Variants in SNTG2 observed in about 807,000 individuals in gnomAD.
The protein encoded by SNTG2 is syntrophin gamma 2, also known as gamma-2-syntrophin.
SNTG2 carries 74 observed loss-of-function variants against 70.9 expected under a neutral mutation model. The ratio of observed to expected loss-of-function variants is 1.04; its 90% confidence interval spans 0.86 to 1.27. The LOEUF is 1.27. SNTG2 is among the 50% of genes most tolerant of loss of function. The pLI, the probability that SNTG2 is intolerant of heterozygous loss-of-function variation, is 0.00. For synonymous variants in SNTG2, 278 were observed against 273.8 expected, an observed-to-expected ratio of 1.02 and a Z score of -0.15; for missense variants, 717 against 690.7, an observed-to-expected ratio of 1.04 and a Z score of -0.43.
chr2:1,061,752 A>G (rs867400557), intron 1 of SNTG2, among the ~76,000 whole-genome samples: 3 of 152,210 alleles, frequency 2.0e-5, no homozygotes, highest in South Asian at 4.1e-4. Context: ...GTTGCTGGAT[A>G]ACGTGTTAGC....
chr2:1,135,142 T>C (rs1274573353), intron 4 of SNTG2, among the ~76,000 whole-genome samples: 2 of 152,128 alleles, frequency 1.3e-5, no homozygotes, highest in African/African-American at 2.4e-5. Flanking sequence ...TAGAGCAAAA[T>C]AGACCTCACT....
At chr2:1,235,014 C>T (rs1018653871) in intron 9 of SNTG2, among the ~76,000 whole-genome samples, 1 of 152,248 alleles carries the variant, frequency 6.6e-6, no homozygotes, top group African/African-American at 2.4e-5. Flanking sequence ...GTCGTTAGTA[C>T]ATGTGAGCTG....
chr2:1,007,889 G>A (rs1296473337), intron 1 of SNTG2, among the ~76,000 whole-genome samples: 3 of 152,124 alleles, frequency 2.0e-5, no homozygotes, highest in Admixed American at 1.3e-4. Context: ...TGAATAGCTG[G>A]GATTACAGAT....
At chr2:1,074,372 G>A (rs1219187539) in intron 1 of SNTG2, among the ~76,000 whole-genome samples, 1 of 152,140 alleles carries the variant, frequency 6.6e-6, no homozygotes, top group Non-Finnish European at 1.5e-5. Context: ...GCCTGCTAAA[G>A]GGAGCACACT....
At chr2:1,250,521 G>A (rs539619532) in intron 12 of SNTG2, among the ~76,000 whole-genome samples, 23 of 150,012 alleles carry the variant, frequency 1.5e-4, no homozygotes, top group Non-Finnish European at 2.7e-4. Flanking sequence ...TCTTTCTGTC[G>A]TCTCCTTCTC....
chr2:1,217,855 G>A (rs1004040834), intron 9 of SNTG2, among the ~76,000 whole-genome samples: 5 of 152,082 alleles, frequency 3.3e-5, no homozygotes, highest in African/African-American at 1.2e-4. Flanking sequence ...ACAAACCTGT[G>A]CAAACTTAGC....
chr2:1,005,917 A>G (rs1315377497), intron 1 of SNTG2, among the ~76,000 whole-genome samples: 1 of 132,710 alleles, frequency 7.5e-6, no homozygotes, highest in Non-Finnish European at 1.6e-5. Flanking sequence ...TATATTATTT[A>G]AACATTGGAT....
chr2:1,247,030 A>G (rs1677470668), intron 11 of SNTG2, among the ~76,000 whole-genome samples: 1 of 152,360 alleles, frequency 6.6e-6, no homozygotes, highest in African/African-American at 2.4e-5. Context: ...AATTCAATAC[A>G]GTCGTTTTAA....
chr2:1,238,094 T>A, intron 10 of SNTG2, 77 bp downstream of exon 10: 1 of 1,497,382 alleles, frequency 6.7e-7, no homozygotes, highest in South Asian at 1.2e-5. Context: ...ATGTTTCTGA[T>A]GATTTATGAT....
intron 16 of SNTG2, among the ~76,000 whole-genome samples, chr2:1,327,008 A>G (rs1443095168): frequency 6.6e-6 from 1 of 152,014 alleles, no homozygotes; most frequent in African/African-American, 2.4e-5. Context: ...TACAAAAAAT[A>G]TATCTTCTTA....
intron 8 of SNTG2, among the ~76,000 whole-genome samples, chr2:1,173,676 TCC>T (rs1671278413): frequency 6.6e-6 from 1 of 152,330 alleles, no homozygotes. Context: ...CCCGCCCTCC[TCC>T]CTCAGAAGCC....
chr2:986,484 G>A (rs969424035), intron 1 of SNTG2, among the ~76,000 whole-genome samples: 5 of 152,204 alleles, frequency 3.3e-5, no homozygotes, highest in Admixed American at 3.3e-4. Context: ...ATGGACAGAT[G>A]TTGTGAATGA....
chr2:1,167,968 C>T (rs1169743744), intron 7 of SNTG2, among the ~76,000 whole-genome samples: 3 of 126,738 alleles, frequency 2.4e-5, no homozygotes, highest in African/African-American at 9.0e-5. Context: ...CGCCCACAGA[C>T]GGCAGAACTG....
chr2:1,187,461 A>G (rs1333127876), intron 8 of SNTG2, among the ~76,000 whole-genome samples: 1 of 152,184 alleles, frequency 6.6e-6, no homozygotes, highest in African/African-American at 2.4e-5. Flanking sequence ...CTTAAACTGC[A>G]GCCACTTCCT....
chr2:1,174,665 C>A (rs2147888792), intron 8 of SNTG2, among the ~76,000 whole-genome samples: 1 of 152,282 alleles, frequency 6.6e-6, no homozygotes, highest in Middle Eastern at 3.4e-3. Flanking sequence ...CTGGGAAATT[C>A]CAGTTGAGCC....
At chr2:1,306,756 C>G (rs1187395398) in intron 14 of SNTG2, among the ~76,000 whole-genome samples, 2 of 148,174 alleles carry the variant, frequency 1.3e-5, no homozygotes, top group Non-Finnish European at 3.0e-5. Flanking sequence ...CTGTGTGTGT[C>G]AGCCATGTGC....
chr2:1,119,999 T>C (rs1667283204), intron 4 of SNTG2, among the ~76,000 whole-genome samples: 1 of 152,130 alleles, frequency 6.6e-6, no homozygotes, highest in Non-Finnish European at 1.5e-5. Flanking sequence ...GAAAATGGCA[T>C]TGATAATTCC....
At chr2:1,039,078 T>C (rs1661288200) in intron 1 of SNTG2, among the ~76,000 whole-genome samples, 1 of 152,248 alleles carries the variant, frequency 6.6e-6, no homozygotes, top group Non-Finnish European at 1.5e-5. Flanking sequence ...ATAGTATCTT[T>C]TATACAGTAA....
At chr2:953,074 T>C (rs1263455429) in intron 1 of SNTG2, among the ~76,000 whole-genome samples, 1 of 152,242 alleles carries the variant, frequency 6.6e-6, no homozygotes, top group Non-Finnish European at 1.5e-5. Context: ...ACACATTCTT[T>C]ATCATGACTG....
Sources: gnomAD v4.1 joint callset for allele counts (sites outside exome capture counted in the v4.1 genomes callset) on GRCh38, gnomAD v4.1.1 for gene constraint, MANE v1.5 for transcripts, NCBI Gene and HGNC (gene_info 2026-07-23, HGNC 2026-07-21) for gene names.